The following ANXA3 variants were observed in gnomAD, a reference collection of about 807,000 sequenced individuals.
ANXA3 encodes 35-alpha calcimedin.
A neutral mutation model predicts 48.8 loss-of-function variants in ANXA3; 46 were observed. The ratio of observed to expected loss-of-function variants is 0.94; its 90% CI spans 0.74 to 1.21. The LOEUF (loss-of-function observed/expected upper bound fraction) is 1.21. Among genes scored for constraint, ANXA3 ranks in the 50% most tolerant of loss-of-function variants. The pLI, the probability that ANXA3 is intolerant of heterozygous loss-of-function variation, is 0.00. For missense variants in ANXA3, 383 were observed against 378.6 expected (o/e 1.01, Z -0.10); for synonymous variants, 128 against 134.7 (o/e 0.95, Z 0.35).
intron 2 of ANXA3, among the ~76,000 whole-genome samples, chr4:78,568,553 T>G (rs1032323034): frequency 1.3e-5 from 2 of 152,248 alleles, no homozygotes; most frequent in South Asian, 2.1e-4. Flanking sequence ...CAACTGCTAT[T>G]CTTGCTCTGT....
intron 5 of ANXA3, among the ~76,000 whole-genome samples, chr4:78,583,297 G>A (rs1723110575): frequency 6.6e-6 from 1 of 152,062 alleles, no homozygotes; most frequent in African/African-American, 2.4e-5. Flanking sequence ...AGCTGTGATT[G>A]TGCCACTGCA....
At chr4:78,586,877 C>T (rs1424337473) in intron 6 of ANXA3, among the ~76,000 whole-genome samples, 1 of 152,156 alleles carries the variant, frequency 6.6e-6, no homozygotes, top group East Asian at 1.9e-4. Context: ...AGGTTAAGGT[C>T]ACAGTCCCCA....
At chr4:78,578,145 A>G (rs1194008332) in intron 3 of ANXA3, among the ~76,000 whole-genome samples, 1 of 151,510 alleles carries the variant, frequency 6.6e-6, no homozygotes, top group African/African-American at 2.4e-5. Context: ...GCTGGGCATG[A>G]TTGCACATGC....
intron 7 of ANXA3, among the ~76,000 whole-genome samples, chr4:78,593,625 C>CATTATTATTATTATTATTATT (rs568701695): frequency 0.018 from 2,664 of 146,968 alleles, 82 homozygotes; most frequent in African/African-American, 0.063. Flanking sequence ...CTTTCCTTTC[C>CATTATTATTATTATTATTATT]ATTATTATTA....
intron 2 of ANXA3, among the ~76,000 whole-genome samples, chr4:78,557,990 A>G (rs1331639524): frequency 6.6e-6 from 1 of 152,224 alleles, no homozygotes; most frequent in East Asian, 1.9e-4. Flanking sequence ...TGACAGAAGA[A>G]TGAATAAACA....
chr4:78,574,212 A>T (rs2109932882), intron 3 of ANXA3, among the ~76,000 whole-genome samples: 1 of 152,282 alleles, frequency 6.6e-6, no homozygotes, highest in African/African-American at 2.4e-5. Context: ...AGAGCCCAGG[A>T]GTTCAACACC....
chr4:78,586,792 T>C (rs1723189734), intron 6 of ANXA3, among the ~76,000 whole-genome samples: 1 of 152,246 alleles, frequency 6.6e-6, no homozygotes. Flanking sequence ...CCTAATAGTC[T>C]GCTGGCTGTG....
intron 7 of ANXA3, among the ~76,000 whole-genome samples, chr4:78,593,597 A>C (rs1723350707): frequency 6.7e-6 from 1 of 148,414 alleles, no homozygotes. Flanking sequence ...CTCCCATATG[A>C]CCCTATTCTA....
chr4:78,554,274 T>G (rs1722464122), intron 1 of ANXA3, among the ~76,000 whole-genome samples, 162 bp from the exon 2 acceptor site: 1 of 152,214 alleles, frequency 6.6e-6, no homozygotes, highest in Admixed American at 6.5e-5. Context: ...AAATGTTTGT[T>G]TAGCAAATGG....
chr4:78,576,903 A>T (rs897075958), intron 3 of ANXA3, among the ~76,000 whole-genome samples: 1 of 152,210 alleles, frequency 6.6e-6, no homozygotes, highest in East Asian at 1.9e-4. Context: ...TGCCAGGCAT[A>T]CAAACTACAC....
chr4:78,586,869 G>A (rs1723191136), intron 6 of ANXA3, among the ~76,000 whole-genome samples: 1 of 152,104 alleles, frequency 6.6e-6, no homozygotes, highest in Admixed American at 6.5e-5. Flanking sequence ...GACTTCACAG[G>A]TTAAGGTCAC....
chr4:78,607,281 C>T (rs1169961489), intron 12 of ANXA3, among the ~76,000 whole-genome samples: 2 of 152,164 alleles, frequency 1.3e-5, no homozygotes, highest in African/African-American at 2.4e-5. Flanking sequence ...TACATTTTTG[C>T]TATTGAAGAA....
At chr4:78,583,964 A>AT (rs1224601215) in intron 5 of ANXA3, among the ~76,000 whole-genome samples, 3 of 152,232 alleles carry the variant, frequency 2.0e-5, no homozygotes, top group Admixed American at 2.0e-4. Flanking sequence ...AAGTTGGCAC[A>AT]TAAAACTGAC....
intron 3 of ANXA3, among the ~76,000 whole-genome samples, chr4:78,578,327 GA>G (rs1723001808): frequency 8.5e-6 from 1 of 118,214 alleles, no homozygotes; most frequent in African/African-American, 3.2e-5. Flanking sequence ...GAGAGAGAGA[GA>G]GAAAGGGAGG....
chr4:78,560,033 C>G (rs893919796), intron 2 of ANXA3, among the ~76,000 whole-genome samples: 1 of 152,150 alleles, frequency 6.6e-6, no homozygotes, highest in African/African-American at 2.4e-5. Flanking sequence ...GCCCCCTCTC[C>G]CCATTGGAAT....
chr4:78,589,228 C>T (rs1723238003), intron 6 of ANXA3, among the ~76,000 whole-genome samples: 1 of 152,158 alleles, frequency 6.6e-6, no homozygotes, highest in Admixed American at 6.5e-5. Context: ...AAACTTTTAC[C>T]ATTCAGGATA....
chr4:78,579,680 T>G (rs1179770059), intron 4 of ANXA3, among the ~76,000 whole-genome samples: 2 of 152,070 alleles, frequency 1.3e-5, no homozygotes, highest in Non-Finnish European at 2.9e-5. Context: ...TAAGAACAAG[T>G]AACTTTGGGA....
rs145727907 is a variant in ANXA3, at chr4:78,603,030, T to G, written c.790-1247T>G. On this transcript the variant is annotated intron_variant, in intron 11 of 12. Transcript: ENST00000264908. Reference sequence around the variant, plus strand: ...ATCTTTCAGGTTTCAGCTCTCCTCCTGAGAGAGGTCTCCCCTAACTGTACC... The same window carrying G: ...ATCTTTCAGGTTTCAGCTCTCCTCCGGAGAGAGGTCTCCCCTAACTGTACC... The G allele has an allele frequency of 2.8e-3, 422 of 152,532 alleles. 2 individuals carry two copies. Among genetic ancestry groups the G allele is most frequent in the African/African-American group, 9.7e-3 (404 of 41,580 alleles). 9.4% of individuals were successfully genotyped at this position (152,532 alleles called of 1,614,324 possible).
intron 11 of ANXA3, chr4:78,603,008 T>G (rs750565878): frequency 2.6e-5 from 4 of 152,438 alleles, no homozygotes; most frequent in Non-Finnish European, 4.4e-5. Context: ...CCTTCTCATC[T>G]TTCAGGTTTC....
Sources: allele counts gnomAD v4.1 joint callset (sites outside exome capture counted in the v4.1 genomes callset), GRCh38; gene constraint gnomAD v4.1.1; transcripts MANE v1.5; gene names NCBI Gene and HGNC (gene_info 2026-07-23, HGNC 2026-07-21).